CTNNA3: variants seen among roughly 807,000 people sequenced by gnomAD.
CTNNA3 encodes the protein catenin alpha 3, also known as catenin alpha-3.
Under a neutral mutation model 95.7 loss-of-function variants are expected in CTNNA3, and 76 were observed. The ratio of observed to expected loss-of-function variants is 0.79; its 90% CI spans 0.66 to 0.96. CTNNA3 has a LOEUF of 0.96. Ranked by LOEUF, CTNNA3 falls within the 40% of genes least tolerant of loss-of-function variation. The pLI, the probability that CTNNA3 is intolerant of heterozygous loss-of-function variation, is 0.00. For synonymous variants in CTNNA3, 431 were observed against 374.4 expected, an observed-to-expected ratio of 1.15 and a Z score of -1.74; for missense variants, 1,191 against 1,089.8, an observed-to-expected ratio of 1.09 and a Z score of -1.31.
intron 1 of CTNNA3, among the ~76,000 whole-genome samples, chr10:67,756,897 A>AAT (rs200947369): frequency 0.011 from 1,713 of 152,336 alleles, 16 homozygotes; most frequent in Middle Eastern, 0.037. Flanking sequence ...TATGTAAAAA[A>AAT]ATATATATAA....
intron 7 of CTNNA3, among the ~76,000 whole-genome samples, chr10:67,020,199 A>C (rs28756035): frequency 1.3e-5 from 2 of 152,174 alleles, no homozygotes; most frequent in Non-Finnish European, 2.9e-5. Flanking sequence ...GAGCCACCTC[A>C]ATCTAAGCCA....
intron 13 of CTNNA3, among the ~76,000 whole-genome samples, chr10:66,139,605 G>A (rs1376572469): frequency 6.6e-6 from 1 of 152,076 alleles, no homozygotes; most frequent in Non-Finnish European, 1.5e-5. Flanking sequence ...TGAGGGTTGT[G>A]TTCCCCCCTT....
intron 7 of CTNNA3, 57 bp downstream of exon 7, chr10:67,180,260 A>G: frequency 1.5e-6 from 2 of 1,374,282 alleles, no homozygotes; most frequent in Non-Finnish European, 2.1e-6. Context: ...ATCTCAGCCT[A>G]TATTCAAAGT....
At chr10:65,970,012 G>C (rs2078060909) in intron 16 of CTNNA3, among the ~76,000 whole-genome samples, 1 of 151,934 alleles carries the variant, frequency 6.6e-6, no homozygotes, top group South Asian at 2.1e-4. Context: ...AATCTCAAAG[G>C]CAGCTAGAGA....
intron 1 of CTNNA3, among the ~76,000 whole-genome samples, chr10:67,763,238 G>GA (rs557237801): frequency 5.8e-4 from 88 of 150,638 alleles, no homozygotes; most frequent in African/African-American, 2.0e-3. Context: ...TATTCATAGA[G>GA]AAAATGGGAT....
chr10:67,676,624 G>T (rs1840539844), intron 1 of CTNNA3, among the ~76,000 whole-genome samples: 2 of 152,142 alleles, frequency 1.3e-5, no homozygotes, highest in African/African-American at 4.8e-5. Flanking sequence ...ATACAAGTGG[G>T]CTTTGTTGAA....
intron 14 of CTNNA3, chr10:66,097,822 C>A (rs977836366): frequency 6.6e-6 from 1 of 152,052 alleles, no homozygotes; most frequent in African/African-American, 2.4e-5. Context: ...GAAAATAAAA[C>A]AGGAAAAACT....
At chr10:66,843,999 T>C (rs527404513) in intron 7 of CTNNA3, among the ~76,000 whole-genome samples, 6 of 152,350 alleles carry the variant, frequency 3.9e-5, no homozygotes, top group Non-Finnish European at 5.9e-5. Flanking sequence ...ATCTCTATTA[T>C]AGCTATAAAT....
At chr10:66,875,733 C>T (rs1472162330) in intron 7 of CTNNA3, among the ~76,000 whole-genome samples, 1 of 152,136 alleles carries the variant, frequency 6.6e-6, no homozygotes, top group Non-Finnish European at 1.5e-5. Context: ...GTATCCTATT[C>T]CTGTGCTTAT....
intron 12 of CTNNA3, among the ~76,000 whole-genome samples, chr10:66,361,443 T>G (rs2092674476): frequency 6.7e-6 from 1 of 149,994 alleles, no homozygotes; most frequent in South Asian, 2.1e-4. Flanking sequence ...TTTTCTTTTC[T>G]TTCTCTCTTT....
chr10:66,243,759 AATTG>A (rs2132046392), intron 13 of CTNNA3, among the ~76,000 whole-genome samples: 1 of 152,290 alleles, frequency 6.6e-6, no homozygotes, highest in East Asian at 1.9e-4. Context: ...TAAACTTGTA[AATTG>A]ATTGAGACTC....
At chr10:66,318,168 T>C (rs2092127416) in intron 12 of CTNNA3, among the ~76,000 whole-genome samples, 1 of 151,894 alleles carries the variant, frequency 6.6e-6, no homozygotes. Flanking sequence ...GCAGGGTTTT[T>C]ATCTTGCCCT....
intron 13 of CTNNA3, among the ~76,000 whole-genome samples, chr10:66,113,495 T>C (rs1301923903): frequency 1.3e-5 from 2 of 152,150 alleles, no homozygotes; most frequent in Admixed American, 1.3e-4. Context: ...TGGTAGAACA[T>C]AATATCTAGG....
At chr10:67,387,648 T>C (rs1312636201) in intron 5 of CTNNA3, among the ~76,000 whole-genome samples, 1 of 152,216 alleles carries the variant, frequency 6.6e-6, no homozygotes, top group Non-Finnish European at 1.5e-5. Context: ...CTCTGCAGAC[T>C]TAAATGTCCC....
intron 5 of CTNNA3, among the ~76,000 whole-genome samples, chr10:67,469,617 G>A (rs1002778691): frequency 6.6e-6 from 1 of 151,476 alleles, no homozygotes; most frequent in African/African-American, 2.4e-5. Context: ...CGGGGGGTGG[G>A]GGGCTAGAAG....
intron 5 of CTNNA3, among the ~76,000 whole-genome samples, chr10:67,264,334 C>T (rs576238474): frequency 1.1e-4 from 17 of 152,214 alleles, no homozygotes; most frequent in Middle Eastern, 6.8e-3. Context: ...TTGCAAAATT[C>T]ACTATTAAAT....
chr10:66,211,517 G>C (rs1475378031), intron 13 of CTNNA3, among the ~76,000 whole-genome samples: 1 of 152,162 alleles, frequency 6.6e-6, no homozygotes, highest in African/African-American at 2.4e-5. Context: ...GGGATGCTTT[G>C]GCCTGGAGCC....
At chr10:67,221,755 T>TA (rs1307862473) in intron 5 of CTNNA3, among the ~76,000 whole-genome samples, 1 of 151,938 alleles carries the variant, frequency 6.6e-6, no homozygotes, top group Non-Finnish European at 1.5e-5. Context: ...TTTGTATTTT[T>TA]AATAGGGACG....
At chr10:67,387,583 C>A (rs980391065) in intron 5 of CTNNA3, among the ~76,000 whole-genome samples, 1 of 152,196 alleles carries the variant, frequency 6.6e-6, no homozygotes. Context: ...CTGCCTGCCT[C>A]TGTAGGCTCC....
Sources: gnomAD v4.1 joint callset for allele counts (sites outside exome capture counted in the v4.1 genomes callset) on GRCh38, gnomAD v4.1.1 for gene constraint, MANE v1.5 for transcripts, NCBI Gene and HGNC (gene_info 2026-07-23, HGNC 2026-07-21) for gene names.